USH2A: variants seen among roughly 807,000 people sequenced by gnomAD.
USH2A encodes usherin.
In USH2A, 443 loss-of-function variants were observed where a neutral mutation model predicts 538.9. The ratio of observed to expected loss-of-function variants is 0.82; its 90% confidence interval spans 0.76 to 0.89. The LOEUF is 0.89. Ranked by LOEUF, USH2A falls within the 40% of genes least tolerant of loss-of-function variation. The probability of loss-of-function intolerance (pLI) is 0.00; values close to 1 mark genes in which losing one functional copy is unlikely to be tolerated. For synonymous variants in USH2A, 2,413 were observed against 2,273.5 expected, an observed-to-expected ratio of 1.06 and a Z score of -1.75; for missense variants, 6,633 against 6,324.8, an observed-to-expected ratio of 1.05 and a Z score of -1.65.
rs181966676 is a variant in USH2A at position 215,694,824 on chromosome 1, T to C, written c.12067-14448A>G. On this transcript the variant is annotated intron_variant, in intron 61 of 71. Transcript: ENST00000307340. Reference sequence around the variant, plus strand: ...GGCAACTGCATTCAGTCCAGAGCAATGACCATATAGGATTTAGCCCTTAGA... The same window carrying C: ...GGCAACTGCATTCAGTCCAGAGCAACGACCATATAGGATTTAGCCCTTAGA... Among the ~76,000 whole-genome samples, 32 of 152,322 alleles carry C rather than the reference T, an allele frequency of 2.1e-4. No individual in the cohort carries two copies. The East Asian group carries it at 2.1e-3, about 10-fold the overall frequency.
At chr1:216,365,391 T>C (rs369178001) in intron 3 of USH2A, among the ~76,000 whole-genome samples, 1 of 152,186 alleles carries the variant, frequency 6.6e-6, no homozygotes, top group African/African-American at 2.4e-5. Flanking sequence ...ATATGTTACT[T>C]CTTTAAATAC....
chr1:216,319,266 T>G (rs1171910045), intron 9 of USH2A, among the ~76,000 whole-genome samples: 1 of 152,162 alleles, frequency 6.6e-6, no homozygotes. Flanking sequence ...AAAAATATAA[T>G]AAATGTTGCT....
At chr1:215,837,377 C>T (rs932265212) in intron 47 of USH2A, among the ~76,000 whole-genome samples, 4 of 152,162 alleles carry the variant, frequency 2.6e-5, no homozygotes, top group East Asian at 1.9e-4. Flanking sequence ...TTGATACAAA[C>T]GGATGAACAA....
At chr1:215,815,033 G>A (rs187105687) in intron 48 of USH2A, among the ~76,000 whole-genome samples, 9 of 152,136 alleles carry the variant, frequency 5.9e-5, no homozygotes, top group African/African-American at 2.2e-4. Flanking sequence ...TTTTAAACCC[G>A]CAATACAAGT....
intron 55 of USH2A, among the ~76,000 whole-genome samples, chr1:215,779,403 C>T (rs1011142213): frequency 2.6e-5 from 4 of 152,168 alleles, no homozygotes; most frequent in African/African-American, 9.7e-5. Context: ...CAAACAGTCA[C>T]AATGACTCCA....
intron 70 of USH2A, 50 bp downstream of exon 70, chr1:215,634,406 CAAG>C: frequency 6.2e-7 from 1 of 1,613,420 alleles, no homozygotes; most frequent in Non-Finnish European, 8.5e-7. Context: ...AGAAGGAAAA[CAAG>C]TATTCTAGTC....
chr1:215,804,938 G>A (rs1488739061), intron 49 of USH2A, among the ~76,000 whole-genome samples: 2 of 152,140 alleles, frequency 1.3e-5, no homozygotes, highest in African/African-American at 4.8e-5. Context: ...TATACACCAT[G>A]GAATACTATG....
At chr1:216,124,456 T>C (rs2033204649) in intron 21 of USH2A, among the ~76,000 whole-genome samples, 1 of 150,150 alleles carries the variant, frequency 6.7e-6, no homozygotes, top group Non-Finnish European at 1.5e-5. Flanking sequence ...AGAAATACAA[T>C]AGGCCAAAGA....
At chr1:216,368,522 A>G (rs2038642141) in intron 3 of USH2A, among the ~76,000 whole-genome samples, 1 of 152,202 alleles carries the variant, frequency 6.6e-6, no homozygotes, top group African/African-American at 2.4e-5. Context: ...CATTGCCTAC[A>G]TTCTTCTAAT....
At chr1:215,810,003 C>T (rs12097755) in intron 49 of USH2A, among the ~76,000 whole-genome samples, 2,740 of 152,170 alleles carry the variant, frequency 0.018, 88 homozygotes, top group African/African-American at 0.063. Context: ...AAAATAATCT[C>T]TTCATTTAGG....
intron 55 of USH2A, among the ~76,000 whole-genome samples, chr1:215,779,329 GATA>G (rs1661553599): frequency 6.6e-6 from 1 of 151,966 alleles, no homozygotes; most frequent in South Asian, 2.1e-4. Flanking sequence ...TAAGGCTAAT[GATA>G]ATAAACATTA....
intron 11 of USH2A, among the ~76,000 whole-genome samples, chr1:216,276,539 A>T (rs1231046717): frequency 6.6e-6 from 1 of 152,126 alleles, no homozygotes; most frequent in Non-Finnish European, 1.5e-5. Flanking sequence ...TGAGTGAGGA[A>T]TGAAGGAGGC....
intron 21 of USH2A, among the ~76,000 whole-genome samples, chr1:216,124,685 C>A (rs2033213207): frequency 6.6e-6 from 1 of 152,146 alleles, no homozygotes; most frequent in Non-Finnish European, 1.5e-5. Flanking sequence ...CTGCCAAATG[C>A]TAATGATTCA....
intron 37 of USH2A, among the ~76,000 whole-genome samples, chr1:215,965,037 T>A (rs1291439944): frequency 6.6e-6 from 1 of 152,162 alleles, no homozygotes; most frequent in African/African-American, 2.4e-5. Context: ...AAACACAGAC[T>A]GTTAGACCTT....
At chr1:215,822,572 G>C (rs1663040856) in intron 47 of USH2A, among the ~76,000 whole-genome samples, 1 of 151,860 alleles carries the variant, frequency 6.6e-6, no homozygotes, top group Non-Finnish European at 1.5e-5. Flanking sequence ...TGTTAACAAG[G>C]CTAATTTGAC....
intron 14 of USH2A, among the ~76,000 whole-genome samples, chr1:216,227,393 A>G (rs1312428422): frequency 6.6e-6 from 1 of 152,210 alleles, no homozygotes; most frequent in Non-Finnish European, 1.5e-5. Flanking sequence ...AGATTAGACA[A>G]TAACTTTCAG....
chr1:215,738,590 T>C (rs994637566), intron 60 of USH2A, among the ~76,000 whole-genome samples: 19 of 152,156 alleles, frequency 1.2e-4, no homozygotes, highest in Admixed American at 1.3e-4. Flanking sequence ...TTAGGTCAGA[T>C]ATTTTTTAAT....
chr1:216,206,343 T>C (rs777141434), intron 16 of USH2A, among the ~76,000 whole-genome samples: 1 of 152,176 alleles, frequency 6.6e-6, no homozygotes, highest in Non-Finnish European at 1.5e-5. Flanking sequence ...AAACAGTTTT[T>C]CCATGGACCC....
At chr1:215,948,214 A>G (rs1204661924) in intron 37 of USH2A, among the ~76,000 whole-genome samples, 2 of 151,978 alleles carry the variant, frequency 1.3e-5, no homozygotes, top group Non-Finnish European at 2.9e-5. Flanking sequence ...GAGATGAAAC[A>G]TGATATAAAG....
Sources: allele counts gnomAD v4.1 joint callset (sites outside exome capture counted in the v4.1 genomes callset), GRCh38; gene constraint gnomAD v4.1.1; transcripts MANE v1.5; gene names NCBI Gene and HGNC (gene_info 2026-07-23, HGNC 2026-07-21).